Variants in CDH6 observed in about 807,000 individuals in gnomAD.
CDH6 encodes cadherin-6.
CDH6 carries 31 observed loss-of-function variants against 78.0 expected under a neutral mutation model. That is an observed-to-expected ratio of 0.40 (90% CI 0.30 to 0.54). The LOEUF (loss-of-function observed/expected upper bound fraction) is 0.54, where lower values mean the gene tolerates loss of function less well. CDH6 is among the 20% of genes least tolerant of loss of function. The pLI is 0.56. For synonymous variants in CDH6, 376 were observed against 368.8 expected, an observed-to-expected ratio of 1.02 and a Z score of -0.23; for missense variants, 724 against 975.9, an observed-to-expected ratio of 0.74 and a Z score of 3.44.
intron 1 of CDH6, among the ~76,000 whole-genome samples, chr5:31,223,675 C>G (rs937602868): frequency 6.6e-6 from 1 of 152,010 alleles, no homozygotes; most frequent in African/African-American, 2.4e-5. Flanking sequence ...GCACTGGATT[C>G]CTTGTGGGCA....
Position 31,294,993 on chromosome 5 carries a change from A to G in CDH6, c.523+737A>G, listed in dbSNP as rs1314626785. On this transcript the variant is annotated intron_variant, in intron 3 of 11. Coordinates refer to ENST00000265071, the MANE Select transcript of CDH6 (RefSeq NM_004932.4). The surrounding 1 kb of genome is among the most constrained non-coding windows in gnomAD (Gnocchi z 4.1). ...CACTGACAAATTTTAAACTACTTAT[A>G]TAAAGGATTATTTTTATTTTCACTC... is the stretch of plus-strand genomic sequence containing the variant. 6.6e-6 allele frequency among the ~76,000 whole-genome samples: 1 copy of G among 152,230 alleles called. No individual in the cohort carries two copies. The highest frequency in any genetic ancestry group is 2.4e-5 in the African/African-American group (1 of 41,464).
At chr5:31,290,479 A>T (rs1743126066) in intron 2 of CDH6, among the ~76,000 whole-genome samples, 1 of 152,226 alleles carries the variant, frequency 6.6e-6, no homozygotes, top group African/African-American at 2.4e-5. Context: ...AACTGAAATT[A>T]GTAAAAACAT....
chr5:31,204,653 G>A (rs1413982148), intron 1 of CDH6, among the ~76,000 whole-genome samples: 1 of 152,108 alleles, frequency 6.6e-6, no homozygotes, highest in Non-Finnish European at 1.5e-5. Context: ...ATTTTTAAAT[G>A]GCTTTTTTCT....
chr5:31,245,360 TG>T (rs1364971887), intron 1 of CDH6, among the ~76,000 whole-genome samples: 5 of 152,174 alleles, frequency 3.3e-5, no homozygotes. Flanking sequence ...TCACTGAGTT[TG>T]TCCTTATTCT....
Position 31,221,848 on chromosome 5 carries a change from G to A in CDH6, c.-129+27962G>A, listed in dbSNP as rs139355212. ...CTTAAAATTCCAATTTGGCCATTAC[G>A]AGTTAGGAGTTTTTGAGACAGGTAG... is the stretch of plus-strand genomic sequence containing the variant. On this transcript the variant is annotated intron_variant, in intron 1 of 11. Transcript: ENST00000265071. 2.7e-3 allele frequency among the ~76,000 whole-genome samples: 409 copies of A among 152,250 alleles called. 5 individuals are homozygous for A. The highest frequency in any genetic ancestry group is 9.5e-3 in the African/African-American group (394 of 41,552).
chr5:31,291,993 A>G lies in CDH6; in HGVS notation c.229-1969A>G, dbSNP rs1417860452. On this transcript the variant is annotated intron_variant, in intron 2 of 11. Coordinates refer to ENST00000265071, the MANE Select transcript of CDH6 (RefSeq NM_004932.4). ...ACGATTAACTAGCTTTTGCTGTGTT[A>G]CATTAAACACGGTTTCTCTACCTCT... Among the ~76,000 whole-genome samples, 3 of 152,216 alleles carry G rather than the reference A, an allele frequency of 2.0e-5. No homozygotes were observed. The East Asian group carries it at 5.8e-4, about 29-fold the overall frequency.
At chr5:31,279,167 T>C (rs1742786883) in intron 2 of CDH6, among the ~76,000 whole-genome samples, 1 of 152,170 alleles carries the variant, frequency 6.6e-6, no homozygotes, top group African/African-American at 2.4e-5. Flanking sequence ...CCCCAAAAAC[T>C]TAGCTACAAA....
intron 8 of CDH6, among the ~76,000 whole-genome samples, chr5:31,314,288 A>G (rs1334200412): frequency 7.2e-6 from 1 of 138,336 alleles, no homozygotes; most frequent in African/African-American, 2.6e-5. Flanking sequence ...TCCTAATGCT[A>G]TCCCTCCCCC....
intron 2 of CDH6, among the ~76,000 whole-genome samples, chr5:31,269,104 T>C (rs556034520): frequency 2.4e-4 from 36 of 152,296 alleles, no homozygotes; most frequent in Middle Eastern, 6.8e-3. Context: ...ATAATCATCA[T>C]CTTAAAATCT....
chr5:31,316,454 TTAATACTA>T (rs1276431257), intron 9 of CDH6, 125 bp downstream of exon 9: 1 of 778,374 alleles, frequency 1.3e-6, no homozygotes, highest in African/African-American at 1.8e-5. Context: ...GCTACGGAAA[TTAATACTA>T]TAAATAAGAA....
At position 31,211,961 on chromosome 5, in the gene CDH6, G is replaced by T. The variant is rs148212324; in HGVS notation, c.-129+18075G>T. On this transcript the variant is annotated intron_variant, in intron 1 of 11. Coordinates refer to ENST00000265071, the MANE Select transcript of CDH6 (RefSeq NM_004932.4). ...ATAAAAGCTCCATATTTAATTAGGA[G>T]ACTAGCTGTATGTGTGTGAAATTTG... is the stretch of plus-strand genomic sequence containing the variant. Among the ~76,000 whole-genome samples, 507 of 152,272 alleles carry T rather than the reference G, an allele frequency of 3.3e-3. 3 individuals carry two copies. The highest frequency in any genetic ancestry group is 0.012 in the African/African-American group (487 of 41,556).
At chr5:31,222,020 G>A (rs970733679) in intron 1 of CDH6, among the ~76,000 whole-genome samples, 2 of 152,084 alleles carry the variant, frequency 1.3e-5, no homozygotes, top group Admixed American at 6.6e-5. Flanking sequence ...GTGTTAGCTT[G>A]CCTTTCTCTA....
chr5:31,205,153 A>G (rs1407531369), intron 1 of CDH6, among the ~76,000 whole-genome samples: 2 of 152,262 alleles, frequency 1.3e-5, no homozygotes, highest in African/African-American at 4.8e-5. Flanking sequence ...GGAAGGCTCA[A>G]TAAATGCTTA....
At chr5:31,225,041 A>T (rs1741110945) in intron 1 of CDH6, among the ~76,000 whole-genome samples, 1 of 152,148 alleles carries the variant, frequency 6.6e-6, no homozygotes, top group African/African-American at 2.4e-5. Flanking sequence ...ACTGGTGTCT[A>T]ACAGGTAGAA....
In CDH6 at chr5:31,326,681, ATTTT is replaced by A. The variant is rs202082546; in HGVS notation, c.*3398_*3401del. On this transcript the variant is annotated 3_prime_UTR_variant, in exon 12 of 12. Coordinates refer to ENST00000265071, the MANE Select transcript of CDH6 (RefSeq NM_004932.4). Reference sequence around the variant, plus strand: ...AAAGAGTTGTGCAGAAAATCTTAAAATTTTTTTTTTTTTTTTTTTTTTTTTTTTG... The same window carrying A: ...AAAGAGTTGTGCAGAAAATCTTAAAATTTTTTTTTTTTTTTTTTTTTTTTG... 5,506 of 122,988 alleles carry A rather than the reference ATTTT, an allele frequency of 0.045. 159 individuals carry two copies. Among genetic ancestry groups the A allele is most frequent in the African/African-American group, 0.15 (4,157 of 27,890 alleles). The allele number at this position is 122,988 out of a possible 1,614,324, so 7.6% of individuals were successfully genotyped here.
chr5:31,272,763 G>A (rs921262744), intron 2 of CDH6, among the ~76,000 whole-genome samples: 24 of 152,040 alleles, frequency 1.6e-4, no homozygotes, highest in African/African-American at 5.6e-4. Flanking sequence ...CTCCACTAAC[G>A]CATTCGAGGT....
chr5:31,211,913 G>C (rs1388305000), intron 1 of CDH6, among the ~76,000 whole-genome samples: 1 of 152,098 alleles, frequency 6.6e-6, no homozygotes, highest in Non-Finnish European at 1.5e-5. Flanking sequence ...GCAATCTGGG[G>C]ACAGAATTAA....
Position 31,305,281 on chromosome 5 carries a change from G to T in CDH6, c.1107G>T (p.Thr369=), listed in dbSNP as rs139517500. 6.2e-7 allele frequency: 1 copy of T among 1,614,114 alleles called. No homozygotes were observed. Among genetic ancestry groups the T allele is most frequent in the Non-Finnish European group, 8.5e-7 (1 of 1,180,024 alleles). ...LYLGPFKDSA[T]VRIVVEDVDE... ...TGGGGCCTTTCAAAGATTCAGCCAC[G>T]GTTAGAATTGTGGTGGAGGATGTAG... The change falls in exon 7 of 12, where the codon ACG becomes ACT. Residue 369 remains threonine (T), a synonymous_variant. Coordinates refer to ENST00000265071, the MANE Select transcript of CDH6 (RefSeq NM_004932.4).
chr5:31,291,584 T>G (rs1041670701), intron 2 of CDH6, among the ~76,000 whole-genome samples: 1 of 151,942 alleles, frequency 6.6e-6, no homozygotes, highest in Non-Finnish European at 1.5e-5. Flanking sequence ...AGAATGAACA[T>G]GGCTCATGCC....
Sources: allele counts gnomAD v4.1 joint callset (sites outside exome capture counted in the v4.1 genomes callset), GRCh38; gene constraint gnomAD v4.1.1; non-coding constraint Gnocchi (gnomAD v3.1); transcripts MANE v1.5; gene names NCBI Gene and HGNC (gene_info 2026-07-23, HGNC 2026-07-21).